NUP62CL: variants seen among roughly 807,000 people sequenced by gnomAD.
The protein encoded by NUP62CL is nucleoporin 62 C-terminal like.
NUP62CL carries 13 observed loss-of-function variants against 15.3 expected under a neutral mutation model. The ratio of observed to expected loss-of-function variants is 0.85; its 90% CI spans 0.55 to 1.35. The LOEUF is 1.35. Among genes scored for constraint, NUP62CL ranks in the 40% most tolerant of loss-of-function variants. NUP62CL has a pLI of 0.00. For synonymous variants in NUP62CL, 54 were observed against 49.2 expected (o/e 1.10, Z -0.41); for missense variants, 123 against 130.6 (o/e 0.94, Z 0.28).
At chrX:107,160,035 C>T (rs1173464059) in intron 4 of NUP62CL, among the ~76,000 whole-genome samples, 1 of 94,633 alleles carries the variant, frequency 1.1e-5, no homozygotes, top group East Asian at 3.4e-4. Flanking sequence ...TTCACAATTG[C>T]TTCAAAGAGA....
intron 4 of NUP62CL, among the ~76,000 whole-genome samples, chrX:107,161,076 T>A (rs878931427): frequency 1.1e-4 from 12 of 110,256 alleles, no homozygotes; most frequent in African/African-American, 3.3e-4. Flanking sequence ...TCAAAACCAC[T>A]ATGAGATATC....
chrX:107,172,083 G>A (rs1468314938), intron 3 of NUP62CL, among the ~76,000 whole-genome samples: 1 of 108,432 alleles, frequency 9.2e-6, no homozygotes, highest in Non-Finnish European at 1.9e-5. Context: ...GAGCACTTTG[G>A]GAGGCCAAGG....
intron 5 of NUP62CL, 37 bp downstream of exon 5, chrX:107,154,059 G>C: frequency 1.8e-6 from 2 of 1,115,776 alleles, no homozygotes; most frequent in Non-Finnish European, 2.4e-6. Context: ...GCAAATACTT[G>C]CACAATGTAG....
At chrX:107,184,516 G>C (rs999120623) in intron 2 of NUP62CL, among the ~76,000 whole-genome samples, 3 of 110,824 alleles carry the variant, frequency 2.7e-5, no homozygotes, top group African/African-American at 9.9e-5. Flanking sequence ...CTGGATGATA[G>C]AATCATAGAA....
intron 3 of NUP62CL, among the ~76,000 whole-genome samples, chrX:107,170,133 T>C (rs1926612352): frequency 9.7e-6 from 1 of 103,212 alleles, no homozygotes; most frequent in Admixed American, 1.1e-4. Flanking sequence ...CGAGATTCTG[T>C]CTCAAAAAAA....
chrX:107,197,687 G>A (rs1927387161), intron 1 of NUP62CL, among the ~76,000 whole-genome samples: 1 of 108,655 alleles, frequency 9.2e-6, no homozygotes. Flanking sequence ...TTATTAGAAG[G>A]GCTACTAGAA....
intron 8 of NUP62CL, among the ~76,000 whole-genome samples, chrX:107,131,016 C>T (rs757360416): frequency 4.8e-4 from 53 of 110,395 alleles, no homozygotes; most frequent in Non-Finnish European, 8.7e-4. Context: ...AGGCCTAATA[C>T]GGAAAAACTA....
intron 4 of NUP62CL, among the ~76,000 whole-genome samples, chrX:107,165,550 T>A (rs1569360718): frequency 9.0e-6 from 1 of 110,938 alleles, no homozygotes; most frequent in Non-Finnish European, 1.9e-5. Context: ...ATATCTCTCA[T>A]GAACTTAGAT....
intron 8 of NUP62CL, among the ~76,000 whole-genome samples, chrX:107,126,047 A>G (rs1029471036): frequency 2.7e-5 from 3 of 112,128 alleles, no homozygotes; most frequent in Non-Finnish European, 3.8e-5. Context: ...TCCTGCCAGC[A>G]TATTAAATAT....
At chrX:107,180,164 T>C (rs1019429946) in intron 2 of NUP62CL, among the ~76,000 whole-genome samples, 2 of 112,255 alleles carry the variant, frequency 1.8e-5, no homozygotes, top group African/African-American at 6.5e-5. Flanking sequence ...TTAAGGACAC[T>C]ATAAAGAAGC....
chrX:107,193,858 A>G (rs773715990), intron 1 of NUP62CL, among the ~76,000 whole-genome samples: 18 of 111,840 alleles, frequency 1.6e-4, no homozygotes, highest in Non-Finnish European at 3.0e-4. Flanking sequence ...CAAAGAGCTC[A>G]AGAAAGAAAT....
chrX:107,184,574 C>T (rs1927007296), intron 2 of NUP62CL, among the ~76,000 whole-genome samples: 2 of 111,164 alleles, frequency 1.8e-5, no homozygotes, highest in Non-Finnish European at 3.8e-5. Flanking sequence ...AAAAAATTAA[C>T]AGAGCATCAG....
intron 3 of NUP62CL, among the ~76,000 whole-genome samples, chrX:107,174,571 T>C (rs1926741316): frequency 1.8e-5 from 2 of 111,713 alleles, no homozygotes; most frequent in African/African-American, 3.3e-5. Flanking sequence ...TAGATGGTCC[T>C]CTTCAGGTGG....
chrX:107,201,364 C>T (rs1002603956), intron 1 of NUP62CL, among the ~76,000 whole-genome samples: 1 of 110,888 alleles, frequency 9.0e-6, no homozygotes, highest in Admixed American at 9.7e-5. Context: ...CTTTTCCTCC[C>T]TCCTCCAGCC....
At position 107,154,077 on chromosome X, in the gene NUP62CL, A is replaced by G. The variant is rs748529529; in HGVS notation, c.345+19T>C. On this transcript the variant is annotated intron_variant, in intron 5 of 8. Transcript: ENST00000372466. Reference sequence around the variant, plus strand: ...AATACTTGCACAATGTAGGTAGATTAATGAAAATATTTTCTTACCATCTCA... The same window carrying G: ...AATACTTGCACAATGTAGGTAGATTGATGAAAATATTTTCTTACCATCTCA... 10 of 1,175,672 alleles carry G rather than the reference A, an allele frequency of 8.5e-6. No homozygotes were observed. Among genetic ancestry groups the G allele is most frequent in the Non-Finnish European group, 1.1e-5 (10 of 871,810 alleles).
chrX:107,165,841 G>A (rs376037325), intron 4 of NUP62CL, among the ~76,000 whole-genome samples: 6 of 111,474 alleles, frequency 5.4e-5, no homozygotes, highest in South Asian at 3.7e-4. Context: ...GGAAAAACTC[G>A]ACATCCACAG....
chrX:107,166,541 A>T (rs571035745), intron 4 of NUP62CL, among the ~76,000 whole-genome samples: 181 of 111,599 alleles, frequency 1.6e-3, no homozygotes, highest in African/African-American at 5.3e-3. Context: ...ACATGTAACC[A>T]CCATACCACC....
intron 1 of NUP62CL, among the ~76,000 whole-genome samples, chrX:107,195,438 A>G (rs1477304339): frequency 8.9e-6 from 1 of 112,022 alleles, no homozygotes; most frequent in Non-Finnish European, 1.9e-5. Context: ...TTATCTGTGC[A>G]TGCAGGAACA....
At chrX:107,198,181 T>C (rs1927398504) in intron 1 of NUP62CL, among the ~76,000 whole-genome samples, 1 of 111,868 alleles carries the variant, frequency 8.9e-6, no homozygotes, top group Admixed American at 9.5e-5. Flanking sequence ...AGCTAAAGGT[T>C]TGTAAACACA....
Sources: gnomAD v4.1 joint callset for allele counts (sites outside exome capture counted in the v4.1 genomes callset) on GRCh38, gnomAD v4.1.1 for gene constraint, MANE v1.5 for transcripts, NCBI Gene and HGNC (gene_info 2026-07-23, HGNC 2026-07-21) for gene names.